BARD1: variants seen among roughly 807,000 people sequenced by gnomAD.
BARD1 encodes BRCA1-associated RING domain protein 1.
In BARD1, 73 loss-of-function variants were observed where a neutral mutation model predicts 77.0. That is an observed-to-expected ratio of 0.95 (90% CI 0.79 to 1.15). The LOEUF (loss-of-function observed/expected upper bound fraction) is 1.15. BARD1 is among the 50% of genes most tolerant of loss of function. The probability of loss-of-function intolerance (pLI) is 0.00; values close to 1 mark genes in which losing one functional copy is unlikely to be tolerated. For synonymous variants in BARD1, 384 were observed against 338.0 expected (o/e 1.14, Z -1.49); for missense variants, 993 against 938.8 (o/e 1.06, Z -0.75).
rs1486291329 is a variant in BARD1 at position 214,747,520 on chromosome 2, G to A, written c.1678-1666C>T. ...GCACATATATACCATGGAATACTAT[G>A]CAGCCATAAAAAAGGATGAGTTCAT... On this transcript the variant is annotated intron_variant, in intron 7 of 10. Coordinates refer to ENST00000260947, the MANE Select transcript of BARD1 (RefSeq NM_000465.4). Among the ~76,000 whole-genome samples, 4 of 151,516 alleles carry A rather than the reference G, an allele frequency of 2.6e-5. 1 individual carries two copies. The highest frequency in any genetic ancestry group is 5.9e-5 in the Non-Finnish European group (4 of 67,960).
chr2:214,726,963 C>A lies in BARD1; in HGVS notation c.*1713G>T, dbSNP rs1254325361. ...GTCTAAAATGTGACCTATGAGGCAACAGAAAGTGACTTAAAGTCTGTTATA... is the reference window on the plus strand; with the variant it reads ...GTCTAAAATGTGACCTATGAGGCAAAAGAAAGTGACTTAAAGTCTGTTATA... On this transcript the variant is annotated 3_prime_UTR_variant, in exon 11 of 11. Transcript: ENST00000260947. The A allele has an allele frequency of 1.4e-5, 3 of 218,258 alleles. No homozygotes were observed. The highest frequency in any genetic ancestry group is 6.5e-5 in the East Asian group (1 of 15,432). The allele number at this position is 218,258 out of a possible 1,614,324, so 13.5% of individuals were successfully genotyped here. A position where few individuals can be genotyped will look rare whatever the true frequency, so the allele number is the denominator to read the frequency against.
Position 214,745,141 on chromosome 2 carries a change from G to T in BARD1, c.1829C>A (p.Pro610His), listed in dbSNP as rs1356587186. 6.2e-7 allele frequency: 1 copy of T among 1,613,806 alleles called. No individual in the cohort carries two copies. ...CAAGGTACTTTGAACTGCATCACCA[G>T]GAACAACAACATGAGTTACTAAAAT... ...FDSTVTHVVV[P>H]GDAVQSTLKC... Residue 610 changes from proline to histidine, a missense_variant, in exon 9 of 11, where the codon CCT becomes CAT. Coordinates refer to ENST00000260947, the MANE Select transcript of BARD1 (RefSeq NM_000465.4).
At position 214,726,113 on chromosome 2, in the gene BARD1, T is replaced by C. The variant is rs186696459; in HGVS notation, c.*2563A>G. The stretch of plus-strand genomic sequence containing the variant: ...TACTAAAATTCAAGTAGCTAAACTA[T>C]CTTTTAGGTGAAGTCAGTGAAAACC... On this transcript the variant is annotated 3_prime_UTR_variant, in exon 11 of 11. Coordinates refer to ENST00000260947, the MANE Select transcript of BARD1 (RefSeq NM_000465.4). 12 of 217,850 alleles carry C rather than the reference T, an allele frequency of 5.5e-5. No homozygotes were observed. In the Admixed American group the frequency reaches 6.4e-4, roughly 12 times the overall value. The allele number at this position is 217,850 out of a possible 1,614,324, so 13.5% of individuals were successfully genotyped here.
intron 5 of BARD1, among the ~76,000 whole-genome samples, chr2:214,768,989 GCAGTA>G (rs972432709): frequency 6.6e-6 from 1 of 152,190 alleles, no homozygotes; most frequent in African/African-American, 2.4e-5. Flanking sequence ...GCTAAATTCT[GCAGTA>G]CAGTACAAAT....
intron 1 of BARD1, among the ~76,000 whole-genome samples, chr2:214,804,826 C>T (rs1256565664): frequency 2.6e-5 from 4 of 152,132 alleles, no homozygotes; most frequent in African/African-American, 7.2e-5. Flanking sequence ...CAAATAACAC[C>T]CATCACCCCA....
chr2:214,780,887 G>A lies in BARD1; in HGVS notation c.987C>T (p.Ser329=), dbSNP rs747190023. The change falls in exon 4 of 11, where the codon TCC becomes TCT. Residue 329 remains serine (S), a synonymous_variant. Coordinates refer to ENST00000260947, the MANE Select transcript of BARD1 (RefSeq NM_000465.4). ...TTCTACATCTCTTAGAAATGGGACT[G>A]GAAAGTCTATTGTGATGGCCACGTT... ...NGKRGHHNRL[S]SPISKRCRTS... 1.9e-6 allele frequency: 3 copies of A among 1,614,078 alleles called. No homozygotes were observed. The highest frequency in any genetic ancestry group is 2.5e-6 in the Non-Finnish European group (3 of 1,179,992).
chr2:214,803,934 TTTC>T (rs778298298), intron 1 of BARD1, among the ~76,000 whole-genome samples: 21 of 152,262 alleles, frequency 1.4e-4, no homozygotes, highest in Non-Finnish European at 1.8e-4. Context: ...GATACAAAAT[TTTC>T]TTCGAAAAGA....
At chr2:214,763,491 A>G (rs1329519722) in intron 6 of BARD1, among the ~76,000 whole-genome samples, 1 of 152,206 alleles carries the variant, frequency 6.6e-6, no homozygotes, top group Non-Finnish European at 1.5e-5. Context: ...CCTTGAGGTC[A>G]TGAAGAACAC....
chr2:214,744,464 T>C (rs1270060381), intron 9 of BARD1, among the ~76,000 whole-genome samples: 2 of 152,220 alleles, frequency 1.3e-5, no homozygotes, highest in Non-Finnish European at 2.9e-5. Flanking sequence ...ATTCAATATA[T>C]CATTTAACAG....
intron 3 of BARD1, among the ~76,000 whole-genome samples, chr2:214,783,040 C>G (rs953966134): frequency 4.6e-5 from 7 of 152,134 alleles, no homozygotes; most frequent in Non-Finnish European, 1.0e-4. Flanking sequence ...AGTTGTTCCT[C>G]CATATTATCA....
At chr2:214,734,583 T>A (rs1466888967) in intron 9 of BARD1, among the ~76,000 whole-genome samples, 2 of 152,154 alleles carry the variant, frequency 1.3e-5, no homozygotes, top group Non-Finnish European at 2.9e-5. Context: ...TACTATAGAT[T>A]GAACGTGTAC....
At chr2:214,769,387 G>T in intron 4 of BARD1, 75 bp from the exon 5 acceptor site, 1 of 1,115,290 alleles carries the variant, frequency 9.0e-7, no homozygotes, top group Non-Finnish European at 1.4e-6. Flanking sequence ...TTTAAATGCT[G>T]CCTTCTTCAA....
Position 214,727,174 on chromosome 2 carries a change from A to G in BARD1, c.*1502T>C, listed in dbSNP as rs931678921. The G allele has an allele frequency of 4.5e-6, 1 of 221,670 alleles. No homozygotes were observed. The highest frequency in any genetic ancestry group is 2.2e-5 in the African/African-American group (1 of 44,812). 13.7% of individuals were successfully genotyped at this position (221,670 alleles called of 1,614,324 possible). A position where few individuals can be genotyped will look rare whatever the true frequency, so the allele number is the denominator to read the frequency against. On this transcript the variant is annotated 3_prime_UTR_variant, in exon 11 of 11. Coordinates refer to ENST00000260947, the MANE Select transcript of BARD1 (RefSeq NM_000465.4). ...TTCACCCAGCAAGGTCAGGGTCAAA[A>G]GGTTATTATTTTGTTCATATATTTC...
Position 214,751,131 on chromosome 2 carries a change from A to T in BARD1, c.1677+1316T>A, listed in dbSNP as rs374971454. ...TGTGTGTGTGTGTATATATATATAT[A>T]TATATATATATATATATATATTTTT... On this transcript the variant is annotated intron_variant, in intron 7 of 10. Transcript: ENST00000260947. Among the ~76,000 whole-genome samples the T allele has an allele frequency of 1.2e-3, 44 of 35,578 alleles. 2 individuals carry two copies. Among genetic ancestry groups the T allele is most frequent in the African/African-American group, 3.9e-3 (37 of 9,370 alleles). The allele number at this position is 35,578 out of a possible 152,430, so 23.3% of individuals were successfully genotyped here. A position where few individuals can be genotyped will look rare whatever the true frequency, so the allele number is the denominator to read the frequency against.
chr2:214,758,926 A>G (rs1693823706), intron 6 of BARD1, among the ~76,000 whole-genome samples: 1 of 152,240 alleles, frequency 6.6e-6, no homozygotes, highest in African/African-American at 2.4e-5. Flanking sequence ...CTGCAAAAAC[A>G]TATGCAAAAA....
intron 7 of BARD1, among the ~76,000 whole-genome samples, chr2:214,746,900 C>T (rs1693146978): frequency 6.6e-6 from 1 of 152,052 alleles, no homozygotes; most frequent in South Asian, 2.1e-4. Context: ...AAAGAAACTA[C>T]CATCAGAGTG....
Position 214,781,479 on chromosome 2 carries a change from A to T in BARD1, c.395T>A (p.Leu132Ter), listed in dbSNP as rs1423628588. ...DLKEDKPRKS[L>*]FNDAGNKKNS... ...CTTCTTGTTTCCTGCATCATTAAAC[A>T]AACTTTTCCTAGGTTTATCTTCTTT... is the stretch of plus-strand genomic sequence containing the variant. The change falls in exon 4 of 11, where the codon TTG (leucine) becomes TAG (stop). Residue 132 changes from leucine (L) to a stop codon, truncating the protein, a stop_gained. Coordinates refer to ENST00000260947, the MANE Select transcript of BARD1 (RefSeq NM_000465.4). LOFTEE classifies it high-confidence loss of function. 1 of 1,611,996 alleles carries T rather than the reference A, an allele frequency of 6.2e-7. No homozygotes were observed.
chr2:214,746,619 T>A lies in BARD1; in HGVS notation c.1678-765A>T, dbSNP rs530517935. Among the ~76,000 whole-genome samples the A allele has an allele frequency of 5.2e-4, 79 of 152,250 alleles. 1 individual carries two copies. Among genetic ancestry groups the A allele is most frequent in the Non-Finnish European group, 1.8e-4 (12 of 68,022 alleles). The stretch of plus-strand genomic sequence containing the variant: ...ATATATATATATTTCCATAAAAGTG[T>A]TTGTAAATGACAGAATTCAGCACTT... On this transcript the variant is annotated intron_variant, in intron 7 of 10. Transcript: ENST00000260947.
At chr2:214,804,460 T>C (rs1696174530) in intron 1 of BARD1, among the ~76,000 whole-genome samples, 1 of 152,158 alleles carries the variant, frequency 6.6e-6, no homozygotes, top group Admixed American at 6.5e-5. Context: ...AAATATTCCA[T>C]AAATAAATAA....
Sources: allele counts gnomAD v4.1 joint callset (sites outside exome capture counted in the v4.1 genomes callset), GRCh38; gene constraint gnomAD v4.1.1; transcripts MANE v1.5; gene names NCBI Gene and HGNC (gene_info 2026-07-23, HGNC 2026-07-21).